The following FAM178B variants were observed in gnomAD, a reference collection of about 807,000 sequenced individuals.
FAM178B encodes the protein protein FAM178B.
A neutral mutation model predicts 91.7 loss-of-function variants in FAM178B; 82 were observed. That is an observed-to-expected ratio of 0.89 (90% CI 0.75 to 1.07). FAM178B has a LOEUF of 1.07. Ranked by LOEUF, FAM178B falls within the 50% of genes least tolerant of loss-of-function variation. FAM178B has a pLI of 0.00. For missense variants in FAM178B, 769 were observed against 846.7 expected, an observed-to-expected ratio of 0.91 and a Z score of 1.14; for synonymous variants, 368 against 359.4, an observed-to-expected ratio of 1.02 and a Z score of -0.27.
chr2:96,894,149 G>GCCCTAACACAC, intron 13 of FAM178B, 98 bp from the exon 14 acceptor site: 1 of 1,421,804 alleles, frequency 7.0e-7, no homozygotes, highest in Non-Finnish European at 9.5e-7. Context: ...TGGTGGCAGT[G>GCCCTAACACAC]TGTTAGGGCA....
chr2:96,935,760 A>C (rs531034000), intron 8 of FAM178B, among the ~76,000 whole-genome samples: 1 of 151,418 alleles, frequency 6.6e-6, no homozygotes, highest in Non-Finnish European at 1.5e-5. Context: ...CAGCCTCTCA[A>C]GTGGCTGGGA....
chr2:96,904,921 G>A lies in FAM178B; in HGVS notation c.1563-2214C>T, dbSNP rs995472049. Among the ~76,000 whole-genome samples, 88 of 151,642 alleles carry A rather than the reference G, an allele frequency of 5.8e-4. 1 individual carries two copies. Among genetic ancestry groups the A allele is most frequent in the Admixed American group, 5.4e-3 (82 of 15,218 alleles). ...TGGGATTACAGGCGCCTGCCATTAC[G>A]CCCAGCTAATTTTTATATTTTCAGT... On this transcript the variant is annotated intron_variant, in intron 12 of 16. Transcript: ENST00000490605.
At chr2:96,897,777 G>A (rs752447302) in intron 13 of FAM178B, 44 of 161,360 alleles carry the variant, frequency 2.7e-4, no homozygotes, top group South Asian at 1.2e-3. Context: ...ACAGCAGGCA[G>A]AGTAATTTTT....
At chr2:96,940,125 C>T (rs1030770182) in intron 8 of FAM178B, among the ~76,000 whole-genome samples, 9 of 152,080 alleles carry the variant, frequency 5.9e-5, no homozygotes, top group Non-Finnish European at 7.4e-5. Context: ...AGCACCAGCA[C>T]GGGGACTGAG....
chr2:96,978,982 T>C (rs1469571097), intron 1 of FAM178B, among the ~76,000 whole-genome samples: 7 of 147,780 alleles, frequency 4.7e-5, no homozygotes, highest in South Asian at 2.2e-4. Context: ...CACTTTTTTT[T>C]TTTTTTTTTT....
intron 14 of FAM178B, among the ~76,000 whole-genome samples, chr2:96,883,183 G>C (rs1020899322): frequency 1.3e-5 from 2 of 152,222 alleles, no homozygotes; most frequent in Non-Finnish European, 2.9e-5. Context: ...GCATCTCCAT[G>C]TTCTGGTCCA....
At chr2:96,952,498 G>A (rs1013101284) in intron 6 of FAM178B, among the ~76,000 whole-genome samples, 2 of 152,286 alleles carry the variant, frequency 1.3e-5, no homozygotes, top group African/African-American at 2.4e-5. Context: ...CAAAATCGGC[G>A]CTGGTGTGGA....
intron 4 of FAM178B, among the ~76,000 whole-genome samples, chr2:96,967,904 G>C (rs1177453851): frequency 4.5e-5 from 2 of 44,732 alleles, no homozygotes; most frequent in African/African-American, 9.4e-5. Flanking sequence ...TGTGTACCCT[G>C]TTTGGTCTTT....
intron 8 of FAM178B, among the ~76,000 whole-genome samples, chr2:96,937,796 C>T (rs1433554026): frequency 6.6e-6 from 1 of 152,148 alleles, no homozygotes; most frequent in East Asian, 1.9e-4. Flanking sequence ...GAGGCCCAGG[C>T]AGGCAGATCG....
intron 1 of FAM178B, 108 bp from the exon 2 acceptor site, chr2:96,972,714 G>T: frequency 9.9e-7 from 1 of 1,010,036 alleles, no homozygotes; most frequent in Non-Finnish European, 1.5e-6. Flanking sequence ...GCCCAAGAGG[G>T]TCCGCCCTGA....
At chr2:96,942,348 G>T (rs60608738) in intron 8 of FAM178B, among the ~76,000 whole-genome samples, 1 of 152,008 alleles carries the variant, frequency 6.6e-6, no homozygotes. Flanking sequence ...AGAAATTGAC[G>T]AGCTGGTCCT....
chr2:96,958,042 T>C (rs1311634229), intron 6 of FAM178B, among the ~76,000 whole-genome samples: 1 of 151,756 alleles, frequency 6.6e-6, no homozygotes, highest in East Asian at 1.9e-4. Flanking sequence ...TGTTTGGACA[T>C]TGTTCAGATT....
chr2:96,951,528 C>G (rs776651354), intron 6 of FAM178B, 44 bp from the exon 7 acceptor site: 25 of 1,460,408 alleles, frequency 1.7e-5, no homozygotes, highest in Non-Finnish European at 2.3e-5. Flanking sequence ...TCTGTGCCAG[C>G]ACACTTGTCT....
In FAM178B at chr2:96,981,927, G is replaced by A. The variant is rs183283511; in HGVS notation, c.73+4314C>T. Among the ~76,000 whole-genome samples the A allele has an allele frequency of 6.6e-5, 10 of 151,906 alleles. 2 individuals carry two copies. Among genetic ancestry groups the A allele is most frequent in the African/African-American group, 2.4e-4 (10 of 41,414 alleles). Reference sequence around the variant, plus strand: ...ACAAAAAAACGCAAAAATTAGCTGGGCATGGTGGTGTGCACCTGCAGTACC... The same window carrying A: ...ACAAAAAAACGCAAAAATTAGCTGGACATGGTGGTGTGCACCTGCAGTACC... On this transcript the variant is annotated intron_variant, in intron 1 of 16. Transcript: ENST00000490605.
At chr2:96,986,211 C>G (rs1559112299) in intron 1 of FAM178B, 30 bp downstream of exon 1, 2 of 1,534,108 alleles carry the variant, frequency 1.3e-6, no homozygotes, top group African/African-American at 2.7e-5. Context: ...ACCACGCGCC[C>G]CTGCGGTTCC....
intron 1 of FAM178B, among the ~76,000 whole-genome samples, chr2:96,974,091 A>G (rs1049560171): frequency 6.6e-6 from 1 of 151,972 alleles, no homozygotes; most frequent in Non-Finnish European, 1.5e-5. Context: ...TTAAAAATAT[A>G]CAGAAAAGGG....
Position 96,967,558 on chromosome 2 carries a change from A to G in FAM178B, c.696T>C (p.Asp232=). The change falls in exon 5 of 17, where the codon GAT becomes GAC. Residue 232 remains aspartate (D), a synonymous_variant. Transcript: ENST00000490605. Reference sequence around the variant, plus strand: ...TGAGTGGCACTTCCTCTTCATCAAGATCCAAGGAGTTGAGATTGAGACACT... The same window carrying G: ...TGAGTGGCACTTCCTCTTCATCAAGGTCCAAGGAGTTGAGATTGAGACACT... The part of the protein sequence containing the change: ...LQECLNLNSL[D]LDEEEVPLTP... The G allele has an allele frequency of 1.9e-6, 3 of 1,550,650 alleles. No homozygotes were observed. Among genetic ancestry groups the G allele is most frequent in the Non-Finnish European group, 2.6e-6 (3 of 1,146,866 alleles).
At chr2:96,915,802 T>TG (rs1485058730) in intron 12 of FAM178B, among the ~76,000 whole-genome samples, 3 of 128,620 alleles carry the variant, frequency 2.3e-5, no homozygotes, top group Non-Finnish European at 3.3e-5. Context: ...GGCGACAGAG[T>TG]GGGAAAAAAA....
chr2:96,951,977 T>A (rs1199979461), intron 6 of FAM178B: 3 of 161,616 alleles, frequency 1.9e-5, no homozygotes, highest in African/African-American at 7.2e-5. Flanking sequence ...GCCAAGATCA[T>A]GCCACTGCAC....
Sources: allele counts gnomAD v4.1 joint callset (sites outside exome capture counted in the v4.1 genomes callset), GRCh38; gene constraint gnomAD v4.1.1; transcripts MANE v1.5; gene names NCBI Gene and HGNC (gene_info 2026-07-23, HGNC 2026-07-21).